Variants in CCDC92B observed in about 807,000 individuals in gnomAD.
CCDC92B encodes coiled-coil domain-containing 92B.
In CCDC92B, 2 loss-of-function variants were observed where a neutral mutation model predicts 5.6. The ratio of observed to expected loss-of-function variants is 0.36; its 90% CI spans 0.15 to 1.12. CCDC92B has a LOEUF of 1.12. Among genes scored for constraint, CCDC92B ranks in the 50% most tolerant of loss-of-function variants. The pLI, the probability that CCDC92B is intolerant of heterozygous loss-of-function variation, is 0.40. For synonymous variants in CCDC92B, 115 were observed against 122.3 expected (o/e 0.94, Z 0.39); for missense variants, 271 against 262.2 (o/e 1.03, Z -0.23).
intron 3 of CCDC92B, among the ~76,000 whole-genome samples, chr17:2,728,218 G>A (rs368728091): frequency 7.2e-5 from 11 of 151,830 alleles, no homozygotes; most frequent in African/African-American, 2.4e-4. Flanking sequence ...CGAGGTTGAG[G>A]TGGAAGGATC....
At chr17:2,747,009 A>G (rs767345170) in intron 1 of CCDC92B, among the ~76,000 whole-genome samples, 12 of 152,004 alleles carry the variant, frequency 7.9e-5, no homozygotes, top group Non-Finnish European at 1.5e-4. Context: ...TTACAGTCCA[A>G]TATTTCCTTG....
chr17:2,737,592 C>T (rs2070871451), intron 1 of CCDC92B, among the ~76,000 whole-genome samples: 1 of 150,402 alleles, frequency 6.6e-6, no homozygotes, highest in African/African-American at 2.4e-5. Flanking sequence ...CTGCCTCAGC[C>T]TCCCGAGTAG....
At position 2,730,163 on chromosome 17, in the gene CCDC92B, C is replaced by T. The variant is rs544488217; in HGVS notation, c.178+283G>A. Among the ~76,000 whole-genome samples the T allele has an allele frequency of 2.6e-3, 390 of 152,238 alleles. 1 individual carries two copies. The highest frequency in any genetic ancestry group is 8.8e-3 in the African/African-American group (366 of 41,544). On this transcript the variant is annotated intron_variant, in intron 3 of 3. Transcript: ENST00000614400. ...ATACAGGCTACTATGTGTGGTGGTG[C>T]AGGTTGTTCACTGCACAAGGTCATC...
intron 2 of CCDC92B, among the ~76,000 whole-genome samples, chr17:2,733,633 C>T (rs978015619): frequency 6.6e-6 from 1 of 151,690 alleles, no homozygotes; most frequent in African/African-American, 2.4e-5. Flanking sequence ...CCATTCTTGT[C>T]CCCCAGGCTG....
chr17:2,734,596 T>G (rs958453119), intron 2 of CCDC92B, among the ~76,000 whole-genome samples: 1 of 151,650 alleles, frequency 6.6e-6, no homozygotes, highest in Admixed American at 6.6e-5. Flanking sequence ...TTCAAGCGAT[T>G]CCTCTGCCTC....
rs368731335 is a variant in CCDC92B at position 2,725,276 on chromosome 17, G to A, written c.179-276C>T. The stretch of plus-strand genomic sequence containing the variant: ...TGGGCGCCTGTAATCCCAGCTACTC[G>A]GGAGGCTGAGACAGGGGACTCGCTT... On this transcript the variant is annotated intron_variant, in intron 3 of 3. Transcript: ENST00000614400. Among the ~76,000 whole-genome samples the A allele has an allele frequency of 2.0e-4, 30 of 152,052 alleles. No individual in the cohort carries two copies. The East Asian group carries it at 3.1e-3, about 16-fold the overall frequency.
chr17:2,747,629 A>G (rs1208329049), intron 1 of CCDC92B, among the ~76,000 whole-genome samples: 1 of 152,202 alleles, frequency 6.6e-6, no homozygotes, highest in Non-Finnish European at 1.5e-5. Flanking sequence ...CGGGAGGCTG[A>G]GCCAGGAGAG....
At chr17:2,744,070 G>A (rs1023272934) in intron 1 of CCDC92B, among the ~76,000 whole-genome samples, 2 of 152,064 alleles carry the variant, frequency 1.3e-5, no homozygotes, top group African/African-American at 4.8e-5. Flanking sequence ...CAGAGATGGG[G>A]TTTCACCATG....
chr17:2,731,476 G>C (rs539073447), intron 2 of CCDC92B, among the ~76,000 whole-genome samples: 2 of 152,302 alleles, frequency 1.3e-5, no homozygotes, highest in African/African-American at 4.8e-5. Context: ...GTGTCCACGG[G>C]GAGGAGGTGT....
intron 3 of CCDC92B, among the ~76,000 whole-genome samples, chr17:2,727,823 CA>C (rs11456542): frequency 1.8e-3 from 216 of 118,606 alleles, no homozygotes; most frequent in Middle Eastern, 4.7e-3. Flanking sequence ...GACTCCGTCT[CA>C]AAAAAAAAAA....
chr17:2,735,202 T>G (rs565433726), intron 1 of CCDC92B, 34 bp from the exon 2 acceptor site: 1 of 985,550 alleles, frequency 1.0e-6, no homozygotes, highest in South Asian at 4.7e-5. Flanking sequence ...CCACCTCTTC[T>G]GAGCCCATCT....
chr17:2,726,865 G>A (rs528845703), intron 3 of CCDC92B, among the ~76,000 whole-genome samples: 4 of 149,764 alleles, frequency 2.7e-5, no homozygotes, highest in Non-Finnish European at 3.0e-5. Flanking sequence ...CACCCGCCTC[G>A]GACTCCCAGA....
chr17:2,733,421 G>A (rs1047087962), intron 2 of CCDC92B, among the ~76,000 whole-genome samples: 12 of 151,836 alleles, frequency 7.9e-5, no homozygotes, highest in African/African-American at 2.9e-4. Context: ...CACCACGTCC[G>A]GCTAATTTTG....
intron 1 of CCDC92B, among the ~76,000 whole-genome samples, chr17:2,746,170 C>G (rs1430985300): frequency 6.6e-6 from 1 of 152,072 alleles, no homozygotes; most frequent in East Asian, 1.9e-4. Flanking sequence ...TTAGTAGAGA[C>G]GTGGTTTTGC....
chr17:2,730,560 T>TGA lies in CCDC92B; in HGVS notation c.131-68_131-67insTC, dbSNP rs1276896995. On this transcript the variant is annotated intron_variant, in intron 2 of 3. Coordinates refer to ENST00000614400, the MANE Select transcript of CCDC92B (RefSeq NM_001355573.2). The stretch of plus-strand genomic sequence containing the variant: ...GTGTGTGTGTGTGTGTGTGTGTGTG[T>TGA]GTGAGAGAGAGAGAGAGAGAGAGAG... 4.8e-6 allele frequency: 3 copies of TGA among 627,742 alleles called. No individual in the cohort carries two copies. In the African/African-American group the frequency reaches 7.0e-5, roughly 15 times the overall value. The allele number at this position is 627,742 out of a possible 1,614,324, so 38.9% of individuals were successfully genotyped here.
rs890866153 is a variant in CCDC92B, at chr17:2,724,377, C to T, written c.*34G>A. The T allele has an allele frequency of 2.0e-6, 2 of 984,972 alleles. No individual in the cohort carries two copies. Among genetic ancestry groups the T allele is most frequent in the African/African-American group, 3.5e-5 (2 of 57,192 alleles). 61.0% of individuals were successfully genotyped at this position (984,972 alleles called of 1,614,324 possible). A position where few individuals can be genotyped will look rare whatever the true frequency, so the allele number is the denominator to read the frequency against. ...AGCTGCGTCCCTGGCCGGCCCTCCC[C>T]GTCCGTCCCGCGTCACCCCGGCCAG... On this transcript the variant is annotated 3_prime_UTR_variant, in exon 4 of 4. Transcript: ENST00000614400. The surrounding 1 kb of genome is among the most constrained non-coding windows in gnomAD (Gnocchi z 5.0).
intron 2 of CCDC92B, among the ~76,000 whole-genome samples, chr17:2,730,996 G>C (rs1322250589): frequency 2.0e-5 from 3 of 152,214 alleles, no homozygotes; most frequent in Non-Finnish European, 4.4e-5. Context: ...CTGGACACTT[G>C]CTTTTCACTA....
intron 1 of CCDC92B, among the ~76,000 whole-genome samples, chr17:2,737,397 C>A (rs968914044): frequency 6.6e-6 from 1 of 150,876 alleles, no homozygotes; most frequent in East Asian, 1.9e-4. Flanking sequence ...ATCCTCAGGG[C>A]ACTCCTCTCT....
rs141361667 is a variant in CCDC92B, at chr17:2,743,934, A to G, written c.-24+5477T>C. On this transcript the variant is annotated intron_variant, in intron 1 of 3. Coordinates refer to ENST00000614400, the MANE Select transcript of CCDC92B (RefSeq NM_001355573.2). ...GCTCTGTTGCCCAGGTTGGAGTGCAATGGCGCGATCTCAGCTCACCGCAAC... is the reference window on the plus strand; with the variant it reads ...GCTCTGTTGCCCAGGTTGGAGTGCAGTGGCGCGATCTCAGCTCACCGCAAC... 8.6e-5 allele frequency among the ~76,000 whole-genome samples: 13 copies of G among 151,798 alleles called. No individual in the cohort carries two copies. The East Asian group carries it at 9.7e-4, about 11-fold the overall frequency.
Sources: allele counts gnomAD v4.1 joint callset (sites outside exome capture counted in the v4.1 genomes callset), GRCh38; gene constraint gnomAD v4.1.1; non-coding constraint Gnocchi (gnomAD v3.1); transcripts MANE v1.5; gene names NCBI Gene and HGNC (gene_info 2026-07-23, HGNC 2026-07-21).